Variants in SPMAP2L observed in about 807,000 individuals in gnomAD.
SPMAP2L encodes sperm microtubule associated protein 2-like.
the SPMAP2L span, among the ~76,000 whole-genome samples, chr4:56,535,376 C>T: frequency 6.6e-6 from 1 of 152,138 alleles, no homozygotes; most frequent in African/African-American, 2.4e-5. Flanking sequence ...GACCCCTGAC[C>T]TAATTGGTTA....
the SPMAP2L span, among the ~76,000 whole-genome samples, chr4:56,561,105 C>G: frequency 0.95 from 145,225 of 152,316 alleles, 69,320 homozygotes; most frequent in Middle Eastern, 0.97. Flanking sequence ...TATTTACAGG[C>G]TACAATCATT....
chr4:56,549,076 C>A, the SPMAP2L span, among the ~76,000 whole-genome samples: 2 of 151,026 alleles, frequency 1.3e-5, no homozygotes, highest in African/African-American at 4.9e-5. Context: ...GCAACCTCTG[C>A]CTCCCGGGTT....
the SPMAP2L span, among the ~76,000 whole-genome samples, chr4:56,555,229 G>A: frequency 1.4e-4 from 21 of 152,198 alleles, no homozygotes; most frequent in South Asian, 4.1e-4. Flanking sequence ...ATGAGCCACC[G>A]TGCCTGGCCA....
the SPMAP2L span, among the ~76,000 whole-genome samples, chr4:56,614,175 G>C: frequency 1.3e-5 from 2 of 152,122 alleles, no homozygotes; most frequent in South Asian, 2.1e-4. Context: ...TATAAGGAAA[G>C]GATTTCCAAC....
chr4:56,586,619 A>ATATC, the SPMAP2L span, among the ~76,000 whole-genome samples: 3 of 152,336 alleles, frequency 2.0e-5, no homozygotes, highest in East Asian at 5.8e-4. Context: ...TCAGTTGGGA[A>ATATC]TATCTGTAGG....
At chr4:56,572,448 C>T in the SPMAP2L span, among the ~76,000 whole-genome samples, 1 of 152,170 alleles carries the variant, frequency 6.6e-6, no homozygotes, top group African/African-American at 2.4e-5. Flanking sequence ...ACATAGAGAA[C>T]AAGCTGCAAG....
chr4:56,569,981 A>G, the SPMAP2L span, among the ~76,000 whole-genome samples: 64,215 of 152,058 alleles, frequency 0.42, 14,649 homozygotes, highest in Non-Finnish European at 0.51. Context: ...AAAAATTTGA[A>G]CATAAAACTG....
the SPMAP2L span, chr4:56,531,257 C>T: frequency 1.2e-4 from 177 of 1,431,970 alleles, 1 homozygote; most frequent in South Asian, 2.3e-3. Context: ...CATCTAGAAC[C>T]GGGGGTCCTA....
At chr4:56,598,834 T>G in the SPMAP2L span, among the ~76,000 whole-genome samples, 1 of 152,096 alleles carries the variant, frequency 6.6e-6, no homozygotes, top group Non-Finnish European at 1.5e-5. Context: ...TAATCCCACA[T>G]GTCAAGGGAA....
the SPMAP2L span, among the ~76,000 whole-genome samples, chr4:56,610,120 CA>C: frequency 6.6e-6 from 1 of 151,900 alleles, no homozygotes; most frequent in Non-Finnish European, 1.5e-5. Flanking sequence ...CATATGGAAC[CA>C]AAAAAGAGCC....
the SPMAP2L span, among the ~76,000 whole-genome samples, chr4:56,590,554 C>T: frequency 6.6e-6 from 1 of 152,194 alleles, no homozygotes; most frequent in African/African-American, 2.4e-5. Flanking sequence ...TGAAAAGGCT[C>T]TTGGGCTCAA....
the SPMAP2L span, among the ~76,000 whole-genome samples, chr4:56,558,059 C>G: frequency 6.6e-6 from 1 of 152,066 alleles, no homozygotes; most frequent in African/African-American, 2.4e-5. Context: ...ATCTCCACCT[C>G]CCAGTTCCAA....
chr4:56,574,059 A>G, the SPMAP2L span, among the ~76,000 whole-genome samples: 5 of 152,152 alleles, frequency 3.3e-5, no homozygotes, highest in Admixed American at 1.3e-4. Flanking sequence ...GGGGGTAGTC[A>G]ATGTCACTTC....
the SPMAP2L span, chr4:56,593,621 G>A: frequency 1.2e-6 from 2 of 1,603,844 alleles, no homozygotes; most frequent in Non-Finnish European, 1.7e-6. Flanking sequence ...GAGATTTGGA[G>A]TGCCACTGGG....
the SPMAP2L span, among the ~76,000 whole-genome samples, chr4:56,535,785 T>C: frequency 3.9e-5 from 6 of 152,160 alleles, no homozygotes; most frequent in Non-Finnish European, 8.8e-5. Flanking sequence ...ACATAAATTA[T>C]ATGCAGTTCT....
the SPMAP2L span, among the ~76,000 whole-genome samples, chr4:56,596,030 T>C: frequency 2.0e-5 from 3 of 152,224 alleles, no homozygotes; most frequent in Non-Finnish European, 2.9e-5. Context: ...GCAGACTTTA[T>C]AGAAGCTATC....
the SPMAP2L span, among the ~76,000 whole-genome samples, chr4:56,549,465 G>A: frequency 2.0e-5 from 3 of 152,062 alleles, no homozygotes; most frequent in African/African-American, 7.2e-5. Context: ...AAGTACGGTA[G>A]CTAATGACTT....
the SPMAP2L span, chr4:56,596,594 G>A: frequency 2.7e-5 from 42 of 1,531,232 alleles, no homozygotes; most frequent in Admixed American, 8.5e-4. Flanking sequence ...GAGGGTCTGT[G>A]CTATGAAAGA....
chr4:56,614,134 G>C, the SPMAP2L span, among the ~76,000 whole-genome samples: 1 of 152,150 alleles, frequency 6.6e-6, no homozygotes, highest in African/African-American at 2.4e-5. Context: ...GGGAGAGCTT[G>C]AATAGGATTG....
Sources: allele counts gnomAD v4.1 joint callset (sites outside exome capture counted in the v4.1 genomes callset), GRCh38; gene constraint gnomAD v4.1.1; transcripts MANE v1.5; gene names NCBI Gene and HGNC (gene_info 2026-07-23, HGNC 2026-07-21).